ENTREP1: variants seen among roughly 807,000 people sequenced by gnomAD.
ENTREP1 encodes the protein Friedreich ataxia region gene X123.
chr9:69,340,372 G>C, the ENTREP1 span, among the ~76,000 whole-genome samples: 1 of 152,072 alleles, frequency 6.6e-6, no homozygotes, highest in African/African-American at 2.4e-5. Flanking sequence ...ATGACATCAG[G>C]TTTTTTACTG....
chr9:69,340,666 C>CATGTGTGTGCGCAT, the ENTREP1 span, among the ~76,000 whole-genome samples: 3 of 108,650 alleles, frequency 2.8e-5, no homozygotes, highest in Non-Finnish European at 3.7e-5. Context: ...TGTGTGTGTG[C>CATGTGTGTGCGCAT]GTGTGTGTGT....
At chr9:69,342,483 C>T in the ENTREP1 span, among the ~76,000 whole-genome samples, 1 of 152,084 alleles carries the variant, frequency 6.6e-6, no homozygotes, top group Non-Finnish European at 1.5e-5. Context: ...TGTGAATGTC[C>T]AATTCTTTTT....
the ENTREP1 span, among the ~76,000 whole-genome samples, chr9:69,334,922 G>C: frequency 4.0e-5 from 6 of 151,836 alleles, no homozygotes; most frequent in Non-Finnish European, 7.4e-5. Context: ...ACCATGCCCA[G>C]CTAATTTTTT....
chr9:69,368,737 A>G, the ENTREP1 span, among the ~76,000 whole-genome samples: 2 of 152,086 alleles, frequency 1.3e-5, no homozygotes, highest in Non-Finnish European at 2.9e-5. Context: ...GTTCTTCTTT[A>G]TAAGTTTGGT....
the ENTREP1 span, chr9:69,325,413 A>G: frequency 9.5e-7 from 1 of 1,049,528 alleles, no homozygotes; most frequent in Non-Finnish European, 1.1e-6. Flanking sequence ...GCCGCTCAGG[A>G]GCCGCCGCTG....
chr9:69,377,726 C>T, the ENTREP1 span: 1 of 1,613,616 alleles, frequency 6.2e-7, no homozygotes, highest in South Asian at 1.1e-5. Context: ...TACTCGTGCA[C>T]ACCCCGGATG....
At chr9:69,338,276 A>C in the ENTREP1 span, among the ~76,000 whole-genome samples, 2 of 152,168 alleles carry the variant, frequency 1.3e-5, no homozygotes, top group Non-Finnish European at 1.5e-5. Flanking sequence ...GTCTCTATGA[A>C]AAATTTTGGT....
chr9:69,353,797 T>C, the ENTREP1 span, among the ~76,000 whole-genome samples: 2 of 152,216 alleles, frequency 1.3e-5, no homozygotes, highest in African/African-American at 4.8e-5. Flanking sequence ...TAGAATACTC[T>C]TCTTCTTCCT....
chr9:69,335,049 C>T, the ENTREP1 span, among the ~76,000 whole-genome samples: 1 of 152,092 alleles, frequency 6.6e-6, no homozygotes, highest in African/African-American at 2.4e-5. Context: ...GAGTGAGCCA[C>T]CGCGCCCAGC....
chr9:69,350,484 G>C, the ENTREP1 span, among the ~76,000 whole-genome samples: 1 of 152,160 alleles, frequency 6.6e-6, no homozygotes, highest in African/African-American at 2.4e-5. Flanking sequence ...CTCACTTCCT[G>C]TTCTAGTCTG....
At chr9:69,332,030 C>A in the ENTREP1 span, among the ~76,000 whole-genome samples, 5 of 152,316 alleles carry the variant, frequency 3.3e-5, no homozygotes, top group South Asian at 8.3e-4. Context: ...AATTCTGCCT[C>A]CCTTTCAGAT....
At chr9:69,339,255 A>G in the ENTREP1 span, among the ~76,000 whole-genome samples, 3 of 152,140 alleles carry the variant, frequency 2.0e-5, no homozygotes, top group Non-Finnish European at 2.9e-5. Flanking sequence ...TCCTGGGCTC[A>G]AGTGATCTTC....
At chr9:69,381,933 A>T in the ENTREP1 span, 1 of 152,184 alleles carries the variant, frequency 6.6e-6, no homozygotes, top group Non-Finnish European at 1.5e-5. Flanking sequence ...ATAGTTTAGG[A>T]TCTAAAACAG....
chr9:69,392,037 CTCT>C, the ENTREP1 span: 1 of 567,738 alleles, frequency 1.8e-6, no homozygotes, highest in African/African-American at 1.9e-5. Flanking sequence ...AGCTTTGATC[CTCT>C]TCTTCCTCTG....
chr9:69,383,819 C>T, the ENTREP1 span: 2 of 1,602,404 alleles, frequency 1.2e-6, no homozygotes, highest in Middle Eastern at 1.7e-4. Flanking sequence ...GACAGCACCG[C>T]CCCACCCCCT....
the ENTREP1 span, among the ~76,000 whole-genome samples, chr9:69,342,916 G>T: frequency 6.6e-6 from 1 of 152,248 alleles, no homozygotes; most frequent in Non-Finnish European, 1.5e-5. Context: ...ACTGGGCATT[G>T]GGTAAGAACT....
chr9:69,375,326 CA>C, the ENTREP1 span, among the ~76,000 whole-genome samples: 1,206 of 152,064 alleles, frequency 7.9e-3, 8 homozygotes, highest in Middle Eastern at 0.041. Flanking sequence ...GCACCAAGTG[CA>C]AAAAATGAAA....
the ENTREP1 span, chr9:69,386,090 A>G: frequency 1.6e-6 from 1 of 608,272 alleles, no homozygotes; most frequent in East Asian, 3.3e-5. Context: ...TGGGAAAGTA[A>G]AATATTCTAC....
the ENTREP1 span, among the ~76,000 whole-genome samples, chr9:69,347,619 A>G: frequency 0.013 from 1,928 of 152,310 alleles, 17 homozygotes; most frequent in Non-Finnish European, 0.019. Flanking sequence ...CATTGTAATT[A>G]CTGAAATGAG....
Sources: gnomAD v4.1 joint callset for allele counts (sites outside exome capture counted in the v4.1 genomes callset) on GRCh38, gnomAD v4.1.1 for gene constraint, MANE v1.5 for transcripts, NCBI Gene and HGNC (gene_info 2026-07-23, HGNC 2026-07-21) for gene names.